The following MIGA1 variants were observed in gnomAD, a reference collection of about 807,000 sequenced individuals.
MIGA1 encodes mitoguardin 1, also known as family with sequence similarity 73, member A.
A neutral mutation model predicts 82.0 loss-of-function variants in MIGA1; 58 were observed. The ratio of observed to expected loss-of-function variants is 0.71; its 90% CI spans 0.57 to 0.88. MIGA1 has a LOEUF of 0.88. Among genes scored for constraint, MIGA1 ranks in the 40% least tolerant of loss-of-function variants. The pLI is 0.00. For synonymous variants in MIGA1, 249 were observed against 253.6 expected (o/e 0.98, Z 0.17); for missense variants, 751 against 749.1 (o/e 1.00, Z -0.03).
At chr1:77,842,235 G>A (rs1269901769) in intron 7 of MIGA1, among the ~76,000 whole-genome samples, 2 of 152,156 alleles carry the variant, frequency 1.3e-5, no homozygotes, top group Non-Finnish European at 2.9e-5. Context: ...AGTCACATAT[G>A]TAAGAAGGAA....
intron 12 of MIGA1, 27 bp downstream of exon 12, chr1:77,861,349 AT>A: frequency 7.1e-7 from 1 of 1,418,308 alleles, no homozygotes; most frequent in Non-Finnish European, 9.9e-7. Flanking sequence ...TGTGATATTT[AT>A]TTTTCTTAGT....
At chr1:77,846,111 C>A (rs1478311838) in intron 8 of MIGA1, among the ~76,000 whole-genome samples, 1 of 152,092 alleles carries the variant, frequency 6.6e-6, no homozygotes, top group Non-Finnish European at 1.5e-5. Context: ...TAAACACAAA[C>A]CCCTGCCCAA....
At position 77,807,088 on chromosome 1, in the gene MIGA1, CT is replaced by C; in HGVS notation, c.626del (p.Leu209TyrfsTer3). The C allele has an allele frequency of 6.3e-7, 1 of 1,586,906 alleles. No homozygotes were observed. Among genetic ancestry groups the C allele is most frequent in the Non-Finnish European group, 8.6e-7 (1 of 1,159,094 alleles). ...ATATTCCTGTGACTACTCCAGAGAA[CT>C]TATACTTAATGGGTAGGAATGAGAT... On this transcript the variant is annotated frameshift_variant, in exon 5 of 16. Coordinates refer to ENST00000370791, the MANE Select transcript of MIGA1 (RefSeq NM_198549.4). LOFTEE classifies it high-confidence loss of function.
At chr1:77,831,195 A>G (rs1684232094) in intron 7 of MIGA1, among the ~76,000 whole-genome samples, 1 of 152,156 alleles carries the variant, frequency 6.6e-6, no homozygotes, top group African/African-American at 2.4e-5. Context: ...TTCTTTAGTT[A>G]TCTGCAGCTG....
intron 2 of MIGA1, among the ~76,000 whole-genome samples, chr1:77,784,834 A>G (rs1296560245): frequency 3.9e-5 from 6 of 152,190 alleles, no homozygotes; most frequent in Admixed American, 3.9e-4. Flanking sequence ...TGAAAATCAC[A>G]TCTCATATGG....
chr1:77,814,905 A>G (rs527374925), intron 6 of MIGA1, among the ~76,000 whole-genome samples: 1 of 152,324 alleles, frequency 6.6e-6, no homozygotes, highest in East Asian at 1.9e-4. Context: ...AAGAAACTGA[A>G]TCACTAAGAA....
Position 77,866,357 on chromosome 1 carries a change from G to T in MIGA1, c.1529G>T (p.Trp510Leu), listed in dbSNP as rs1685667726. Residue 510 changes from tryptophan (W) to leucine (L), a missense_variant, in exon 14 of 16, where the codon TGG becomes TTG. Trp to Leu is a moderately conservative substitution (Grantham distance 61). Coordinates refer to ENST00000370791, the MANE Select transcript of MIGA1 (RefSeq NM_198549.4). ...ATTTAGGCTGTGGCTTCAAGTTGTTGGTCGGTGCTGAAACAGAAAAGACAA... is the reference window on the plus strand; with the variant it reads ...ATTTAGGCTGTGGCTTCAAGTTGTTTGTCGGTGCTGAAACAGAAAAGACAA... The T allele has an allele frequency of 6.2e-7, 1 of 1,613,934 alleles. No individual in the cohort carries two copies. The highest frequency in any genetic ancestry group is 2.2e-5 in the East Asian group (1 of 44,880).
intron 7 of MIGA1, among the ~76,000 whole-genome samples, chr1:77,828,811 T>C (rs1263007583): frequency 6.6e-6 from 1 of 152,178 alleles, no homozygotes; most frequent in Non-Finnish European, 1.5e-5. Context: ...TAGCTGGGAC[T>C]ACAGGCATGT....
intron 7 of MIGA1, among the ~76,000 whole-genome samples, chr1:77,836,661 C>G (rs1054959423): frequency 2.6e-5 from 4 of 152,262 alleles, no homozygotes; most frequent in Middle Eastern, 3.4e-3. Flanking sequence ...CCTCAGTTTA[C>G]GTAGGTGGTA....
rs148795785 is a variant in MIGA1, at chr1:77,783,322, C to T, written c.166C>T (p.Pro56Ser). The change falls in exon 2 of 16, where the codon CCT becomes TCT. Residue 56 changes from proline (P) to serine (S), a missense_variant. Transcript: ENST00000370791. ...AGCAGCGCTAAGAGTGTTTGATCTTCCTCTGACTTGGTACTATTCTCTCTC... is the reference window on the plus strand; with the variant it reads ...AGCAGCGCTAAGAGTGTTTGATCTTTCTCTGACTTGGTACTATTCTCTCTC... 4.8e-5 allele frequency: 77 copies of T among 1,598,160 alleles called. No homozygotes were observed. Among genetic ancestry groups the T allele is most frequent in the Non-Finnish European group, 6.2e-5 (73 of 1,169,142 alleles).
chr1:77,859,425 A>T (rs1226039536), intron 10 of MIGA1, 39 bp downstream of exon 10: 1 of 1,374,286 alleles, frequency 7.3e-7, no homozygotes, highest in Non-Finnish European at 1.0e-6. Context: ...CCAGCCACTC[A>T]TCCCCACCCT....
chr1:77,821,431 C>T (rs1490814841), intron 7 of MIGA1, among the ~76,000 whole-genome samples: 3 of 145,914 alleles, frequency 2.1e-5, no homozygotes, highest in Admixed American at 7.0e-5. Context: ...GCTCTTGTTG[C>T]GCAGGCTGGA....
At chr1:77,833,743 G>A (rs901977448) in intron 7 of MIGA1, among the ~76,000 whole-genome samples, 4 of 152,188 alleles carry the variant, frequency 2.6e-5, no homozygotes, top group Non-Finnish European at 5.9e-5. Context: ...GTTGTACCTC[G>A]TGGCCCTGCT....
chr1:77,789,964 T>A (rs1682345973), intron 2 of MIGA1, among the ~76,000 whole-genome samples: 1 of 152,232 alleles, frequency 6.6e-6, no homozygotes, highest in South Asian at 2.1e-4. Context: ...TGAATTATTC[T>A]GGATTAGAAA....
chr1:77,851,727 G>T (rs905492571), intron 8 of MIGA1, among the ~76,000 whole-genome samples: 1 of 152,030 alleles, frequency 6.6e-6, no homozygotes, highest in African/African-American at 2.4e-5. Flanking sequence ...TTCTTTAAAC[G>T]ATTACTTAAA....
intron 4 of MIGA1, among the ~76,000 whole-genome samples, chr1:77,805,082 C>T (rs1331085757): frequency 6.6e-6 from 1 of 151,250 alleles, no homozygotes; most frequent in Non-Finnish European, 1.5e-5. Flanking sequence ...GCAAGCTCTG[C>T]CTCCTGGGTT....
chr1:77,801,265 T>G (rs1331045039), intron 2 of MIGA1, 66 bp from the exon 3 acceptor site: 2 of 1,170,714 alleles, frequency 1.7e-6, no homozygotes, highest in South Asian at 1.6e-5. Flanking sequence ...AGTTTAGTTA[T>G]TAGGTCCTTC....
chr1:77,854,073 T>C (rs1262545862), intron 8 of MIGA1, among the ~76,000 whole-genome samples: 1 of 151,974 alleles, frequency 6.6e-6, no homozygotes, highest in Admixed American at 6.6e-5. Context: ...CCAAAGTCCA[T>C]TGTATCATTC....
At chr1:77,874,824 C>G in intron 15 of MIGA1, 22 bp from the exon 16 acceptor site, 1 of 1,576,124 alleles carries the variant, frequency 6.3e-7, no homozygotes, top group Non-Finnish European at 8.7e-7. Flanking sequence ...CTAATAAATG[C>G]CAATTTATGT....
Sources: allele counts gnomAD v4.1 joint callset (sites outside exome capture counted in the v4.1 genomes callset), GRCh38; gene constraint gnomAD v4.1.1; transcripts MANE v1.5; gene names NCBI Gene and HGNC (gene_info 2026-07-23, HGNC 2026-07-21).